The following ADD2 variants were observed in gnomAD, a reference collection of about 807,000 sequenced individuals.
ADD2 encodes beta-adducin.
ADD2 carries 23 observed loss-of-function variants against 83.0 expected under a neutral mutation model. The ratio of observed to expected loss-of-function variants is 0.28; its 90% CI spans 0.20 to 0.39. The LOEUF (loss-of-function observed/expected upper bound fraction) is 0.39, where lower values mean the gene tolerates loss of function less well. Ranked by LOEUF, ADD2 falls within the 10% of genes least tolerant of loss-of-function variation. ADD2 has a pLI of 1.00. For synonymous variants in ADD2, 375 were observed against 375.4 expected (o/e 1.00, Z 0.01); for missense variants, 758 against 944.9 (o/e 0.80, Z 2.59).
rs1322748968 is a variant in ADD2 at position 70,706,568 on chromosome 2, G to A, written c.-34-126C>T. On this transcript the variant is annotated intron_variant, in intron 2 of 15. Coordinates refer to ENST00000264436, the MANE Select transcript of ADD2 (RefSeq NM_001617.4). The surrounding 1 kb of genome is among the most constrained non-coding windows in gnomAD (Gnocchi z 5.0). ...GTACGGCTGTTCCTAGGATGGTAGA[G>A]GCAGAGCCTGGGGAGGAGGGCAGGA... The A allele has an allele frequency of 2.3e-6, 2 of 869,810 alleles. No homozygotes were observed. The highest frequency in any genetic ancestry group is 3.4e-6 in the Non-Finnish European group (2 of 593,938). The allele number at this position is 869,810 out of a possible 1,614,324, so 53.9% of individuals were successfully genotyped here. A position where few individuals can be genotyped will look rare whatever the true frequency, so the allele number is the denominator to read the frequency against.
At chr2:70,674,209 A>C (rs957807092) in intron 14 of ADD2, among the ~76,000 whole-genome samples, 1 of 152,178 alleles carries the variant, frequency 6.6e-6, no homozygotes, top group South Asian at 2.1e-4. Context: ...AAGGGCATAC[A>C]AGCTACTGTG....
rs139680644 is a variant in ADD2 at position 70,762,640 on chromosome 2, T to C, written c.-154+5246A>G. 4.0e-3 allele frequency among the ~76,000 whole-genome samples: 596 copies of C among 149,368 alleles called. 24 individuals are homozygous for C. The highest frequency in any genetic ancestry group is 0.013 in the African/African-American group (550 of 40,756). On this transcript the variant is annotated intron_variant, in intron 1 of 15. Transcript: ENST00000264436. ...TCAAATAAATATATAAATATAACTA[T>C]ATTATATGGATTTAAAGGGCATGCT...
At chr2:70,764,438 CCTGTGTAGA>C (rs1344391217) in intron 1 of ADD2, among the ~76,000 whole-genome samples, 1 of 151,826 alleles carries the variant, frequency 6.6e-6, no homozygotes, top group Non-Finnish European at 1.5e-5. Flanking sequence ...TTGTGTGTGT[CCTGTGTAGA>C]CTCACTCTCT....
chr2:70,762,958 G>A (rs1220124362), intron 1 of ADD2, among the ~76,000 whole-genome samples: 5 of 151,504 alleles, frequency 3.3e-5, no homozygotes, highest in African/African-American at 4.9e-5. Context: ...CACCTGCCTC[G>A]GCCTCCCAAA....
chr2:70,683,593 G>C lies in ADD2; in HGVS notation c.1123C>G (p.Leu375Val). The C allele has an allele frequency of 6.2e-7, 1 of 1,611,160 alleles. No homozygotes were observed. Among genetic ancestry groups the C allele is most frequent in the Middle Eastern group, 1.7e-4 (1 of 6,052 alleles). The change falls in exon 10 of 16, where the codon CTG becomes GTG. Residue 375 changes from leucine to valine, a missense_variant and splice_region_variant. Around this residue, in one of 5 missense-constraint regions of ADD2, gnomAD observed 394 missense variants for 509.3 expected, o/e 0.77. Coordinates refer to ENST00000264436, the MANE Select transcript of ADD2 (RefSeq NM_001617.4). ...AAGGGCAATGGCAGGAGACTCACCA[G>C]GTTGTCCAGCATCCTCATGAGGGCC... ...FEALMRMLDNLGYRTGYTYRH... is the reference protein window; with the variant it reads ...FEALMRMLDNVGYRTGYTYRH...
chr2:70,728,288 C>T (rs1297929536), intron 1 of ADD2, among the ~76,000 whole-genome samples: 1 of 152,232 alleles, frequency 6.6e-6, no homozygotes, highest in African/African-American at 2.4e-5. Flanking sequence ...CAGTACCTGT[C>T]TGCCAGGATC....
At chr2:70,751,446 T>G (rs1674503931) in intron 1 of ADD2, among the ~76,000 whole-genome samples, 1 of 152,242 alleles carries the variant, frequency 6.6e-6, no homozygotes, top group African/African-American at 2.4e-5. Flanking sequence ...ATGTTTGCCT[T>G]AGCATATTAA....
chr2:70,697,346 T>A (rs1366678777), intron 4 of ADD2, among the ~76,000 whole-genome samples: 1 of 152,104 alleles, frequency 6.6e-6, no homozygotes, highest in East Asian at 1.9e-4. Context: ...TTTGAGGGGA[T>A]GTGGAAGGGA....
intron 4 of ADD2, 58 bp downstream of exon 4, chr2:70,704,263 T>TGGCCCCCCCCCCCCCCCCCCCCCCCCCC: frequency 7.7e-6 from 7 of 913,234 alleles, no homozygotes; most frequent in Admixed American, 2.1e-5. Context: ...CTCCCTCTCT[T>TGGCCCCCCCCCCCCCCCCCCCCCCCCCC]CCCCACCCCA....
chr2:70,661,040 C>T lies in ADD2; in HGVS notation c.*2385G>A, dbSNP rs868936009. ...TGAACCAACTGACAGGTTCATCTAT[C>T]AATAGAAAGTGGGCCCATGGCATAA... On this transcript the variant is annotated 3_prime_UTR_variant, in exon 16 of 16. Coordinates refer to ENST00000264436, the MANE Select transcript of ADD2 (RefSeq NM_001617.4). 1 of 152,158 alleles carries T rather than the reference C, an allele frequency of 6.6e-6. No homozygotes were observed. The highest frequency in any genetic ancestry group is 1.5e-5 in the Non-Finnish European group (1 of 68,038). 9.4% of individuals were successfully genotyped at this position (152,158 alleles called of 1,614,324 possible).
chr2:70,696,995 C>G (rs1325890942), intron 4 of ADD2, among the ~76,000 whole-genome samples: 1 of 152,074 alleles, frequency 6.6e-6, no homozygotes, highest in African/African-American at 2.4e-5. Context: ...CCCGTCTCTA[C>G]TAAAAATACA....
chr2:70,734,376 C>T (rs1432438885), intron 1 of ADD2, among the ~76,000 whole-genome samples: 3 of 151,866 alleles, frequency 2.0e-5, no homozygotes, highest in African/African-American at 4.8e-5. Flanking sequence ...AAAGCACACA[C>T]ACATGTTGCT....
intron 1 of ADD2, among the ~76,000 whole-genome samples, chr2:70,719,385 C>T (rs3755358): frequency 0.31 from 47,637 of 151,854 alleles, 8,155 homozygotes; most frequent in African/African-American, 0.47. Flanking sequence ...GAGACGATTA[C>T]AATACTGGGG....
At chr2:70,668,886 G>C (rs1375937215) in intron 15 of ADD2, among the ~76,000 whole-genome samples, 1 of 152,184 alleles carries the variant, frequency 6.6e-6, no homozygotes, top group Non-Finnish European at 1.5e-5. Context: ...AGGATTTGCT[G>C]ACGCGCTTCT....
intron 1 of ADD2, among the ~76,000 whole-genome samples, chr2:70,750,533 G>T (rs1674456966): frequency 6.6e-6 from 1 of 152,178 alleles, no homozygotes; most frequent in Non-Finnish European, 1.5e-5. Context: ...ACACACAGAG[G>T]AAAGACCATG....
chr2:70,767,916 C>T lies in ADD2; in HGVS notation c.-184G>A. On this transcript the variant is annotated 5_prime_UTR_variant, in exon 1 of 16. Coordinates refer to ENST00000264436, the MANE Select transcript of ADD2 (RefSeq NM_001617.4). ...GCGCGGCATCTTAGCTATCTCCGGT[C>T]GGCCACTGCGGGTTGGTTTTGTTAT... is the stretch of plus-strand genomic sequence containing the variant. 1 of 1,535,966 alleles carries T rather than the reference C, an allele frequency of 6.5e-7. No homozygotes were observed. Among genetic ancestry groups the T allele is most frequent in the Non-Finnish European group, 8.7e-7 (1 of 1,146,812 alleles).
chr2:70,717,074 C>T (rs923617867), intron 1 of ADD2, among the ~76,000 whole-genome samples: 4 of 152,130 alleles, frequency 2.6e-5, no homozygotes, highest in Non-Finnish European at 1.5e-5. Flanking sequence ...CCTCCCTCAG[C>T]TGGGACCCTC....
Position 70,683,721 on chromosome 2 carries a change from A to G in ADD2, c.995T>C (p.Leu332Pro). The change falls in exon 10 of 16, where the codon CTG (leucine) becomes CCG (proline). Residue 332 changes from leucine (L) to proline (P), a missense_variant. By Grantham distance (98) the Leu-to-Pro change is moderately conservative (BLOSUM62 -3). This residue lies in a region of ADD2 where 394 missense variants were observed against 509.3 expected (regional missense o/e 0.77). Coordinates refer to ENST00000264436, the MANE Select transcript of ADD2 (RefSeq NM_001617.4). ...SAGGVENLIL[L>P]EQEKHRPHEV... is the part of the protein sequence containing the mutation. ...ATGGGGCCGGTGCTTCTCCTGCTCC[A>G]GGAGGATGAGGTTCTCCACTCCCCC... is the stretch of plus-strand genomic sequence containing the variant. 2 of 1,614,130 alleles carry G rather than the reference A, an allele frequency of 1.2e-6. No homozygotes were observed. The highest frequency in any genetic ancestry group is 1.7e-6 in the Non-Finnish European group (2 of 1,179,974).
At chr2:70,715,383 T>C (rs1478878960) in intron 1 of ADD2, among the ~76,000 whole-genome samples, 1 of 152,190 alleles carries the variant, frequency 6.6e-6, no homozygotes, top group Non-Finnish European at 1.5e-5. Flanking sequence ...AGCACATGCG[T>C]TGAGAACCTA....
Sources: gnomAD v4.1 joint callset for allele counts (sites outside exome capture counted in the v4.1 genomes callset) on GRCh38, gnomAD v4.1.1 for gene constraint, gnomAD v4.1.1 regional missense constraint, Gnocchi (gnomAD v3.1) non-coding constraint, MANE v1.5 for transcripts, NCBI Gene and HGNC (gene_info 2026-07-23, HGNC 2026-07-21) for gene names.